ZNF831: variants seen among roughly 807,000 people sequenced by gnomAD.
ZNF831 encodes zinc finger protein 831.
Under a neutral mutation model 95.8 loss-of-function variants are expected in ZNF831, and 59 were observed. The observed-to-expected ratio is 0.62, with a 90% CI of 0.50 to 0.77. ZNF831 has a LOEUF of 0.77. Ranked by LOEUF, ZNF831 falls within the 30% of genes least tolerant of loss-of-function variation. ZNF831 has a pLI of 0.00. For synonymous variants in ZNF831, 961 were observed against 925.5 expected (o/e 1.04, Z -0.70); for missense variants, 2,205 against 2,164.0 (o/e 1.02, Z -0.38).
chr20:59,154,126 C>A (rs1046443189), intron 2 of ZNF831, among the ~76,000 whole-genome samples: 1 of 152,278 alleles, frequency 6.6e-6, no homozygotes, highest in East Asian at 1.9e-4. Context: ...CAATGTGAGA[C>A]GAGCCAAGAT....
chr20:59,153,593 G>A (rs535553664), intron 2 of ZNF831, among the ~76,000 whole-genome samples: 32 of 151,164 alleles, frequency 2.1e-4, no homozygotes, highest in South Asian at 1.0e-3. Context: ...CAATGGTTCC[G>A]GGGGCTCACC....
chr20:59,206,084 C>G (rs566579667), intron 3 of ZNF831, among the ~76,000 whole-genome samples: 1 of 152,264 alleles, frequency 6.6e-6, no homozygotes, highest in South Asian at 2.1e-4. Flanking sequence ...TCATGCCTTC[C>G]CTCTGAGATG....
chr20:59,246,994 T>C (rs971955865), intron 4 of ZNF831, among the ~76,000 whole-genome samples: 1 of 152,244 alleles, frequency 6.6e-6, no homozygotes, highest in African/African-American at 2.4e-5. Flanking sequence ...ATAAAACCTC[T>C]TTCTTCCATC....
At chr20:59,221,086 G>C (rs1435745296) in intron 4 of ZNF831, among the ~76,000 whole-genome samples, 1 of 152,210 alleles carries the variant, frequency 6.6e-6, no homozygotes, top group Non-Finnish European at 1.5e-5. Flanking sequence ...CTGTGAAAGT[G>C]CTGTGTGAAC....
intron 4 of ZNF831, among the ~76,000 whole-genome samples, chr20:59,207,386 T>C (rs1984973108): frequency 6.6e-6 from 1 of 152,158 alleles, no homozygotes; most frequent in Non-Finnish European, 1.5e-5. Context: ...TGCCTCTAGT[T>C]TCACTATTTC....
chr20:59,197,284 T>C (rs1449253307), intron 3 of ZNF831, among the ~76,000 whole-genome samples: 2 of 152,098 alleles, frequency 1.3e-5, no homozygotes, highest in African/African-American at 4.8e-5. Context: ...TGCCAGACTT[T>C]CCCTAATCGC....
At chr20:59,226,931 C>T (rs1428776163) in intron 4 of ZNF831, among the ~76,000 whole-genome samples, 2 of 152,078 alleles carry the variant, frequency 1.3e-5, no homozygotes, top group African/African-American at 4.8e-5. Flanking sequence ...CATAAGCACC[C>T]ATTCACCTGA....
intron 5 of ZNF831, among the ~76,000 whole-genome samples, chr20:59,253,565 A>T (rs1412125074): frequency 6.6e-6 from 1 of 152,188 alleles, no homozygotes; most frequent in Non-Finnish European, 1.5e-5. Context: ...CAGTCCTATA[A>T]AATAGTACAT....
chr20:59,183,093 G>A (rs747726060), intron 1 of ZNF831, among the ~76,000 whole-genome samples: 1 of 152,224 alleles, frequency 6.6e-6, no homozygotes, highest in African/African-American at 2.4e-5. Context: ...GCCTGGTTCT[G>A]GGAAGTTGGG....
chr20:59,210,010 T>C (rs1338437706), intron 4 of ZNF831, among the ~76,000 whole-genome samples: 1 of 152,118 alleles, frequency 6.6e-6, no homozygotes, highest in Admixed American at 6.5e-5. Flanking sequence ...CATCCACAGG[T>C]TCCATGGACT....
chr20:59,147,377 T>C (rs753628920), intron 2 of ZNF831, among the ~76,000 whole-genome samples: 19 of 152,216 alleles, frequency 1.2e-4, no homozygotes, highest in Non-Finnish European at 8.8e-5. Flanking sequence ...AGCTCTCCAG[T>C]CCTTTGGGGT....
At chr20:59,190,714 C>T (rs1257081899) in intron 1 of ZNF831, among the ~76,000 whole-genome samples, 1 of 152,186 alleles carries the variant, frequency 6.6e-6, no homozygotes, top group African/African-American at 2.4e-5. Flanking sequence ...GTGCAGATGG[C>T]ATGTTAAATA....
chr20:59,235,707 A>T (rs1986960770), intron 4 of ZNF831, among the ~76,000 whole-genome samples: 1 of 152,208 alleles, frequency 6.6e-6, no homozygotes, highest in Non-Finnish European at 1.5e-5. Context: ...ACCGTAGGGT[A>T]GACTTTTGCA....
intron 4 of ZNF831, among the ~76,000 whole-genome samples, chr20:59,243,368 A>T (rs535293690): frequency 6.6e-6 from 1 of 152,246 alleles, no homozygotes; most frequent in Non-Finnish European, 1.5e-5. Flanking sequence ...CACGTTGAAG[A>T]GGTCGAATAG....
intron 1 of ZNF831, among the ~76,000 whole-genome samples, chr20:59,173,282 T>C (rs920472684): frequency 2.0e-5 from 3 of 152,220 alleles, no homozygotes; most frequent in East Asian, 1.9e-4. Context: ...TGAATTCAAC[T>C]GCCATTTTAA....
intron 4 of ZNF831, among the ~76,000 whole-genome samples, chr20:59,214,477 C>T (rs958973677): frequency 6.6e-6 from 1 of 152,334 alleles, no homozygotes; most frequent in Non-Finnish European, 1.5e-5. Context: ...TGGACAGCTA[C>T]TCCATGTCAT....
chr20:59,245,115 T>TTTGCTATCAGAGTGGGCGGCGCATGTGA (rs1987525758), intron 4 of ZNF831, among the ~76,000 whole-genome samples: 1 of 152,214 alleles, frequency 6.6e-6, no homozygotes, highest in Non-Finnish European at 1.5e-5. Context: ...ACGGTGAAGC[T>TTTGCTATCAGAGTGGGCGGCGCATGTGA]TTGCTATCAG....
chr20:59,161,320 C>T (rs567434742), upstream of ZNF831, among the ~76,000 whole-genome samples: 55 of 152,068 alleles, frequency 3.6e-4, 2 homozygotes, highest in South Asian at 0.01. Context: ...CTCTGTAGTC[C>T]GGGCTGGAGT....
At chr20:59,207,561 G>A (rs746091002) in intron 4 of ZNF831, among the ~76,000 whole-genome samples, 1 of 152,172 alleles carries the variant, frequency 6.6e-6, no homozygotes, top group Non-Finnish European at 1.5e-5. Flanking sequence ...TCTTCACCAT[G>A]CTTGGAAATA....
Sources: gnomAD v4.1 joint callset for allele counts (sites outside exome capture counted in the v4.1 genomes callset) on GRCh38, gnomAD v4.1.1 for gene constraint, MANE v1.5 for transcripts, NCBI Gene and HGNC (gene_info 2026-07-23, HGNC 2026-07-21) for gene names.